Variants in CFAP47 observed in about 807,000 individuals in gnomAD.
CFAP47 encodes the protein cilia- and flagella-associated protein 47.
A neutral mutation model predicts 148.1 loss-of-function variants in CFAP47; 29 were observed. That is an observed-to-expected ratio of 0.20 (90% confidence interval 0.15 to 0.27). The LOEUF (loss-of-function observed/expected upper bound fraction) is 0.27, where lower values mean the gene tolerates loss of function less well. CFAP47 is among the 10% of genes least tolerant of loss of function. The pLI is 1.00. For missense variants in CFAP47, 1,872 were observed against 1,697.5 expected (o/e 1.10, Z -1.81); for synonymous variants, 664 against 577.3 (o/e 1.15, Z -2.15).
At chrX:36,006,268 A>T (rs2146697050) in intron 21 of CFAP47, among the ~76,000 whole-genome samples, 2 of 111,036 alleles carry the variant, frequency 1.8e-5, no homozygotes, top group Non-Finnish European at 3.8e-5. Context: ...AATTAATTAT[A>T]TATATTTAAA....
chrX:35,955,184 A>G (rs1936225801), intron 7 of CFAP47, among the ~76,000 whole-genome samples: 1 of 112,025 alleles, frequency 8.9e-6, no homozygotes, highest in Non-Finnish European at 1.9e-5. Context: ...AGTTATCTCA[A>G]CTTAACATGT....
At chrX:36,151,871 G>A (rs1939310764) in intron 37 of CFAP47, among the ~76,000 whole-genome samples, 1 of 112,010 alleles carries the variant, frequency 8.9e-6, no homozygotes, top group Non-Finnish European at 1.9e-5. Flanking sequence ...AGTTCTGGAG[G>A]CTGAGAAGCT....
In CFAP47 at chrX:36,001,727, C is replaced by T. The variant is rs985816413; in HGVS notation, c.3417+20C>T. The T allele has an allele frequency of 1.0e-5, 3 of 289,668 alleles. No individual in the cohort carries two copies. Among genetic ancestry groups the T allele is most frequent in the Non-Finnish European group, 1.8e-5 (3 of 165,846 alleles). 23.9% of individuals were successfully genotyped at this position (289,668 alleles called of 1,213,427 possible). A position where few individuals can be genotyped will look rare whatever the true frequency, so the allele number is the denominator to read the frequency against. On this transcript the variant is annotated intron_variant, in intron 21 of 63. Coordinates refer to ENST00000378653, the MANE Select transcript of CFAP47 (RefSeq NM_001304548.2). The stretch of plus-strand genomic sequence containing the variant: ...AAAGAAGTAAGTTCAGTTTTCTATT[C>T]CTCATATTACTGCAGTTATGGGTAT...
At chrX:35,938,307 T>G (rs191923086) in intron 2 of CFAP47, among the ~76,000 whole-genome samples, 3 of 111,256 alleles carry the variant, frequency 2.7e-5, no homozygotes, top group African/African-American at 9.8e-5. Context: ...AGTGCATAGG[T>G]AATTTGTCTA....
intron 33 of CFAP47, among the ~76,000 whole-genome samples, chrX:36,122,975 A>C (rs965002382): frequency 3.6e-4 from 40 of 111,671 alleles, no homozygotes; most frequent in African/African-American, 1.3e-3. Flanking sequence ...ACTCAAAAGG[A>C]CTTCAATGTC....
chrX:36,375,813 C>T (rs1942017623), intron 62 of CFAP47, among the ~76,000 whole-genome samples: 1 of 112,115 alleles, frequency 8.9e-6, no homozygotes, highest in African/African-American at 3.2e-5. Context: ...CTGTAGTGTT[C>T]TAAGTGTGGT....
intron 45 of CFAP47, among the ~76,000 whole-genome samples, chrX:36,219,870 C>T (rs965946257): frequency 5.4e-5 from 6 of 111,297 alleles, no homozygotes; most frequent in South Asian, 3.8e-4. Context: ...AGTTGTGCCC[C>T]GACCACCTTG....
chrX:36,117,382 G>A (rs1938660177), intron 33 of CFAP47, among the ~76,000 whole-genome samples: 1 of 111,697 alleles, frequency 9.0e-6, no homozygotes, highest in African/African-American at 3.3e-5. Context: ...CAGTGTAGGT[G>A]GATTCCCTTT....
intron 56 of CFAP47, among the ~76,000 whole-genome samples, chrX:36,311,590 AT>A (rs1161583490): frequency 9.0e-6 from 1 of 111,128 alleles, no homozygotes; most frequent in Non-Finnish European, 1.9e-5. Flanking sequence ...TTCAACTATT[AT>A]TACTACTTCT....
At chrX:36,179,658 A>T (rs5973607) in intron 40 of CFAP47, among the ~76,000 whole-genome samples, 2,662 of 111,882 alleles carry the variant, frequency 0.024, 31 homozygotes, top group Non-Finnish European at 0.034. Context: ...TGTGGTAGTT[A>T]TGTTCTATAA....
intron 29 of CFAP47, among the ~76,000 whole-genome samples, chrX:36,080,312 C>G (rs1937951444): frequency 9.0e-6 from 1 of 111,335 alleles, no homozygotes; most frequent in Non-Finnish European, 1.9e-5. Context: ...GAAATAGGAA[C>G]ACTTTTACAC....
At chrX:36,172,103 T>C in intron 39 of CFAP47, among the ~76,000 whole-genome samples, 1 of 108,293 alleles carries the variant, frequency 9.2e-6, no homozygotes, top group East Asian at 2.9e-4. Context: ...TCTGTTTGTC[T>C]GTCGTTGGTG....
intron 51 of CFAP47, among the ~76,000 whole-genome samples, chrX:36,296,510 G>T (rs782266734): frequency 2.7e-5 from 3 of 112,286 alleles, no homozygotes; most frequent in African/African-American, 9.7e-5. Context: ...ATTACATGTG[G>T]TAAATGCAGG....
intron 45 of CFAP47, among the ~76,000 whole-genome samples, chrX:36,214,893 C>T (rs1940142847): frequency 9.0e-6 from 1 of 111,356 alleles, no homozygotes; most frequent in South Asian, 3.7e-4. Context: ...GCAGGACACC[C>T]TAAAATAACA....
intron 27 of CFAP47, among the ~76,000 whole-genome samples, chrX:36,071,506 T>TA (rs1294707639): frequency 8.9e-6 from 1 of 112,398 alleles, no homozygotes; most frequent in Non-Finnish European, 1.9e-5. Flanking sequence ...TAGAAACATT[T>TA]AAAATATTTT....
chrX:36,378,823 G>C (rs1556023481), intron 62 of CFAP47, among the ~76,000 whole-genome samples: 1 of 108,762 alleles, frequency 9.2e-6, no homozygotes, highest in African/African-American at 3.4e-5. Flanking sequence ...TTACAGACGT[G>C]AGCCACTGCG....
At chrX:36,176,774 A>G (rs193121988) in intron 39 of CFAP47, among the ~76,000 whole-genome samples, 2 of 111,845 alleles carry the variant, frequency 1.8e-5, no homozygotes, top group Admixed American at 9.5e-5. Context: ...GCATGGTGGC[A>G]TGCACCTGTA....
At chrX:36,270,549 GTA>G (rs782687841) in intron 49 of CFAP47, among the ~76,000 whole-genome samples, 23 of 95,476 alleles carry the variant, frequency 2.4e-4, no homozygotes, top group African/African-American at 5.5e-4. Flanking sequence ...TTTAAAATTT[GTA>G]TATATATATA....
intron 2 of CFAP47, among the ~76,000 whole-genome samples, chrX:35,932,593 T>G (rs1470692478): frequency 9.1e-6 from 1 of 109,996 alleles, no homozygotes; most frequent in Non-Finnish European, 1.9e-5. Context: ...ATTCTCTCTT[T>G]TATTATTTCC....
Sources: allele counts gnomAD v4.1 joint callset (sites outside exome capture counted in the v4.1 genomes callset), GRCh38; gene constraint gnomAD v4.1.1; transcripts MANE v1.5; gene names NCBI Gene and HGNC (gene_info 2026-07-23, HGNC 2026-07-21).